The following PCDHA2 variants were observed in gnomAD, a reference collection of about 807,000 sequenced individuals.
PCDHA2 encodes the protein protocadherin alpha-2.
A neutral mutation model predicts 66.0 loss-of-function variants in PCDHA2; 58 were observed. The observed-to-expected ratio is 0.88, with a 90% confidence interval of 0.71 to 1.09. The LOEUF is 1.09. Among genes scored for constraint, PCDHA2 ranks in the 50% least tolerant of loss-of-function variants. The probability of loss-of-function intolerance (pLI) is 0.00; values close to 1 mark genes in which losing one functional copy is unlikely to be tolerated. For synonymous variants in PCDHA2, 634 were observed against 554.0 expected, an observed-to-expected ratio of 1.14 and a Z score of -2.03; for missense variants, 1,267 against 1,242.3, an observed-to-expected ratio of 1.02 and a Z score of -0.30.
At chr5:140,797,845 A>AT (rs11296857) in intron 1 of PCDHA2, among the ~76,000 whole-genome samples, 212 of 150,156 alleles carry the variant, frequency 1.4e-3, no homozygotes, top group Middle Eastern at 6.8e-3. Flanking sequence ...AATAAGCTAC[A>AT]TTTTTTTTTT....
At chr5:140,843,610 G>A (rs1554140251) in intron 1 of PCDHA2, 2 of 1,595,980 alleles carry the variant, frequency 1.3e-6, no homozygotes, top group South Asian at 1.1e-5. Context: ...CTGGTGAGGG[G>A]CCACCGAAGA....
intron 1 of PCDHA2, chr5:140,862,144 C>G (rs2047225935): frequency 1.2e-5 from 2 of 162,888 alleles, no homozygotes; most frequent in South Asian, 1.7e-4. Context: ...TTTGAGGAAA[C>G]TAAATAATGA....
intron 1 of PCDHA2, among the ~76,000 whole-genome samples, chr5:140,975,935 C>T (rs1351802479): frequency 6.6e-6 from 1 of 152,060 alleles, no homozygotes; most frequent in East Asian, 1.9e-4. Flanking sequence ...ACCTTTGAAG[C>T]AATAGGACAT....
At chr5:140,877,920 C>A in intron 1 of PCDHA2, 1 of 1,422,738 alleles carries the variant, frequency 7.0e-7, no homozygotes, top group Admixed American at 2.9e-5. Flanking sequence ...TCTCATTTTT[C>A]TTTATGATTC....
intron 1 of PCDHA2, chr5:140,815,408 A>G (rs1320427077): frequency 6.6e-6 from 1 of 152,112 alleles, no homozygotes; most frequent in Non-Finnish European, 1.5e-5. Context: ...AAACTCTTAT[A>G]AAAATGTATT....
At chr5:140,849,771 A>G in intron 1 of PCDHA2, 1 of 1,598,330 alleles carries the variant, frequency 6.3e-7, no homozygotes, top group Non-Finnish European at 8.6e-7. Flanking sequence ...GCTGGTGGTT[A>G]CCGCGCGGGA....
intron 1 of PCDHA2, chr5:140,830,788 T>G (rs1554133014): frequency 1.2e-5 from 2 of 161,880 alleles, no homozygotes; most frequent in African/African-American, 4.8e-5. Context: ...TTTTTCTGAT[T>G]AATTATATGG....
At chr5:140,841,423 C>A (rs139433967) in intron 1 of PCDHA2, 2 of 1,610,284 alleles carry the variant, frequency 1.2e-6, no homozygotes, top group Admixed American at 3.4e-5. Flanking sequence ...TCCACTACTC[C>A]GTCCCCGAGG....
chr5:140,857,126 G>A, intron 1 of PCDHA2: 2 of 1,598,256 alleles, frequency 1.3e-6, no homozygotes, highest in Non-Finnish European at 1.7e-6. Flanking sequence ...CCCAGTGAAA[G>A]AAGATGCTCA....
At chr5:140,869,628 T>A (rs1562631338) in intron 1 of PCDHA2, 1 of 1,613,700 alleles carries the variant, frequency 6.2e-7, no homozygotes. Flanking sequence ...TAAGTAAAAA[T>A]GAGTATTTTT....
At chr5:140,976,140 C>T (rs1276971902) in intron 1 of PCDHA2, among the ~76,000 whole-genome samples, 9 of 152,130 alleles carry the variant, frequency 5.9e-5, no homozygotes, top group African/African-American at 1.7e-4. Flanking sequence ...CTGGATGAAA[C>T]TCATGTACAT....
intron 1 of PCDHA2, chr5:140,842,691 A>C: frequency 1.9e-6 from 3 of 1,595,350 alleles, no homozygotes; most frequent in Non-Finnish European, 2.6e-6. Flanking sequence ...GCGTTCGCGC[A>C]GCCCGAGTAC....
intron 1 of PCDHA2, among the ~76,000 whole-genome samples, chr5:140,973,341 C>T (rs1323571061): frequency 6.6e-6 from 1 of 152,124 alleles, no homozygotes; most frequent in African/African-American, 2.4e-5. Flanking sequence ...TGTAAAGTGA[C>T]ATAGTAGTGA....
intron 1 of PCDHA2, among the ~76,000 whole-genome samples, chr5:140,890,753 C>A (rs1274674281): frequency 3.3e-5 from 5 of 152,114 alleles, no homozygotes; most frequent in Admixed American, 2.6e-4. Flanking sequence ...TTCTGTCATG[C>A]TTTAAAAATA....
chr5:140,849,715 T>A (rs2150446343), intron 1 of PCDHA2: 2 of 1,598,584 alleles, frequency 1.3e-6, no homozygotes. Context: ...TACTACTCGT[T>A]GGTGCTGGAC....
At chr5:140,915,646 C>A (rs2077236708) in intron 1 of PCDHA2, among the ~76,000 whole-genome samples, 1 of 151,916 alleles carries the variant, frequency 6.6e-6, no homozygotes, top group Non-Finnish European at 1.5e-5. Flanking sequence ...CTCTCTCTCT[C>A]TCTCTCTCTC....
At position 140,912,253 on chromosome 5, in the gene PCDHA2, G is replaced by A. The variant is rs531201374; in HGVS notation, c.2389-66696G>A. Among the ~76,000 whole-genome samples the A allele has an allele frequency of 4.8e-4, 73 of 152,064 alleles. 1 individual carries two copies. The highest frequency in any genetic ancestry group is 1.5e-3 in the South Asian group (7 of 4,810). ...ACTGACTCAAATGTTAATCTCCTTTGATGACACCCTCACAGATATACCCAG... is the reference window on the plus strand; with the variant it reads ...ACTGACTCAAATGTTAATCTCCTTTAATGACACCCTCACAGATATACCCAG... On this transcript the variant is annotated intron_variant, in intron 1 of 3. Coordinates refer to ENST00000526136, the MANE Select transcript of PCDHA2 (RefSeq NM_018905.3).
intron 1 of PCDHA2, chr5:140,871,442 A>C: frequency 6.2e-7 from 1 of 1,611,276 alleles, no homozygotes; most frequent in African/African-American, 1.3e-5. Flanking sequence ...CTAGGTCTGA[A>C]TAAAGAGGAG....
intron 1 of PCDHA2, among the ~76,000 whole-genome samples, chr5:140,913,742 T>C (rs2153527691): frequency 6.6e-6 from 1 of 152,276 alleles, no homozygotes; most frequent in Non-Finnish European, 1.5e-5. Flanking sequence ...ATAGTACTCC[T>C]TTTGTTGTAT....
Sources: gnomAD v4.1 joint callset for allele counts (sites outside exome capture counted in the v4.1 genomes callset) on GRCh38, gnomAD v4.1.1 for gene constraint, MANE v1.5 for transcripts, NCBI Gene and HGNC (gene_info 2026-07-23, HGNC 2026-07-21) for gene names.